COL19A1: variants seen among roughly 807,000 people sequenced by gnomAD.
COL19A1 encodes the protein collagen alpha-1(XIX) chain.
A neutral mutation model predicts 190.2 loss-of-function variants in COL19A1; 159 were observed. That is an observed-to-expected ratio of 0.84 (90% confidence interval 0.73 to 0.95). The LOEUF is 0.95. Ranked by LOEUF, COL19A1 falls within the 40% of genes least tolerant of loss-of-function variation. The pLI is 0.00. For missense variants in COL19A1, 1,418 were observed against 1,431.9 expected (o/e 0.99, Z 0.16); for synonymous variants, 509 against 458.9 (o/e 1.11, Z -1.39).
chr6:70,099,953 G>T (rs1280655882), intron 15 of COL19A1, among the ~76,000 whole-genome samples: 2 of 152,154 alleles, frequency 1.3e-5, no homozygotes, highest in East Asian at 3.8e-4. Flanking sequence ...ACCATATCCT[G>T]AATCTTGGAT....
At chr6:70,155,365 T>A (rs1183740611) in intron 31 of COL19A1, among the ~76,000 whole-genome samples, 1 of 152,178 alleles carries the variant, frequency 6.6e-6, no homozygotes, top group Non-Finnish European at 1.5e-5. Context: ...CTTGGTCATA[T>A]TCTTATTCCA....
chr6:70,102,081 C>T, intron 15 of COL19A1, 88 bp from the exon 16 acceptor site: 1 of 1,040,000 alleles, frequency 9.6e-7, no homozygotes, highest in Non-Finnish European at 1.5e-6. Flanking sequence ...TTCATTTTTA[C>T]TGTCTTCAAT....
intron 11 of COL19A1, among the ~76,000 whole-genome samples, chr6:69,988,145 CAT>C (rs1381542326): frequency 1.3e-5 from 2 of 152,120 alleles, no homozygotes; most frequent in African/African-American, 4.8e-5. Context: ...AAAAGTGCAG[CAT>C]TATTACCATT....
At chr6:69,899,836 T>C (rs1770046488) in intron 3 of COL19A1, among the ~76,000 whole-genome samples, 1 of 152,216 alleles carries the variant, frequency 6.6e-6, no homozygotes, top group South Asian at 2.1e-4. Context: ...TCAATACACA[T>C]TTCTTTAAAG....
chr6:70,182,521 G>C (rs920131660), intron 44 of COL19A1, among the ~76,000 whole-genome samples: 2 of 152,186 alleles, frequency 1.3e-5, no homozygotes, highest in African/African-American at 4.8e-5. Flanking sequence ...GAAAAGTGGA[G>C]TCACTGTGGA....
rs543209498 is a variant in COL19A1 at position 70,042,116 on chromosome 6, A to T, written c.1170+6177A>T. ...TATCTTGAAGCCAAAATTCAGAAAA[A>T]TTCAAGTGCCTAGCAGAGATGGGGT... On this transcript the variant is annotated intron_variant, in intron 14 of 50. Coordinates refer to ENST00000620364, the MANE Select transcript of COL19A1 (RefSeq NM_001858.6). Among the ~76,000 whole-genome samples the T allele has an allele frequency of 3.3e-5, 5 of 152,178 alleles. No homozygotes were observed. The South Asian group carries it at 1.0e-3, about 32-fold the overall frequency.
chr6:70,169,898 C>A (rs539093333), intron 40 of COL19A1, among the ~76,000 whole-genome samples: 1 of 152,140 alleles, frequency 6.6e-6, no homozygotes, highest in South Asian at 2.1e-4. Flanking sequence ...CTTTGAAGTT[C>A]TTGCATTAAT....
chr6:69,920,322 T>G (rs1044436033), intron 4 of COL19A1, among the ~76,000 whole-genome samples: 2 of 152,190 alleles, frequency 1.3e-5, no homozygotes, highest in African/African-American at 4.8e-5. Flanking sequence ...TCCCCGAAGT[T>G]TCATATGGTT....
At chr6:69,953,984 A>T (rs1412121719) in intron 9 of COL19A1, among the ~76,000 whole-genome samples, 1 of 152,020 alleles carries the variant, frequency 6.6e-6, no homozygotes, top group Non-Finnish European at 1.5e-5. Context: ...GTTTCCTTAA[A>T]GTGGCTCTAT....
intron 4 of COL19A1, among the ~76,000 whole-genome samples, chr6:69,926,313 A>C (rs1357093813): frequency 2.6e-5 from 4 of 152,204 alleles, no homozygotes; most frequent in Non-Finnish European, 5.9e-5. Context: ...GTTTCTGAGG[A>C]AACCTAGACA....
intron 49 of COL19A1, among the ~76,000 whole-genome samples, chr6:70,205,281 A>G (rs1247053985): frequency 6.6e-6 from 1 of 152,274 alleles, no homozygotes; most frequent in Non-Finnish European, 1.5e-5. Context: ...TGTTGTTCAG[A>G]TAATAATGTG....
At chr6:69,910,452 C>T (rs1363332709) in intron 4 of COL19A1, among the ~76,000 whole-genome samples, 1 of 152,060 alleles carries the variant, frequency 6.6e-6, no homozygotes, top group Non-Finnish European at 1.5e-5. Flanking sequence ...GTCTCCAAAT[C>T]CAGAATTAAT....
At chr6:69,880,984 T>G (rs1768510412) in intron 2 of COL19A1, among the ~76,000 whole-genome samples, 1 of 152,150 alleles carries the variant, frequency 6.6e-6, no homozygotes, top group Non-Finnish European at 1.5e-5. Flanking sequence ...ATAGGGACAG[T>G]TTTTAGGCAC....
chr6:70,073,397 C>T (rs1465678289), intron 15 of COL19A1, among the ~76,000 whole-genome samples: 1 of 152,118 alleles, frequency 6.6e-6, no homozygotes, highest in Non-Finnish European at 1.5e-5. Context: ...AATGGAGATG[C>T]TAATAACGCC....
chr6:70,100,633 C>T (rs1783572806), intron 15 of COL19A1, among the ~76,000 whole-genome samples: 2 of 149,176 alleles, frequency 1.3e-5, no homozygotes, highest in South Asian at 2.1e-4. Context: ...GCTGGGATTA[C>T]AGGCACATAC....
intron 2 of COL19A1, among the ~76,000 whole-genome samples, chr6:69,880,740 A>G (rs1168854156): frequency 6.6e-6 from 1 of 152,176 alleles, no homozygotes; most frequent in East Asian, 1.9e-4. Flanking sequence ...CTGTCATACA[A>G]TTTGGGGGGG....
At chr6:70,018,813 A>C (rs1423070744) in intron 11 of COL19A1, among the ~76,000 whole-genome samples, 3 of 152,122 alleles carry the variant, frequency 2.0e-5, no homozygotes, top group Non-Finnish European at 2.9e-5. Context: ...GTGCCTGGAA[A>C]TTATCCCTCT....
At chr6:70,030,676 C>T (rs1034026041) in intron 12 of COL19A1, among the ~76,000 whole-genome samples, 1 of 152,142 alleles carries the variant, frequency 6.6e-6, no homozygotes, top group African/African-American at 2.4e-5. Flanking sequence ...CATAGTTTTA[C>T]ACAAGCAAAA....
In COL19A1 at chr6:69,938,078, A is replaced by G; in HGVS notation, c.914A>G (p.Gln305Arg). The G allele has an allele frequency of 6.2e-7, 1 of 1,612,870 alleles. No individual in the cohort carries two copies. The highest frequency in any genetic ancestry group is 8.5e-7 in the Non-Finnish European group (1 of 1,179,200). The part of the protein sequence containing the change: ...GLPGAPGSPG[Q>R]KGHKGEPGEN... ...CCAGGAGCTCCGGGTTCACCTGGGC[A>G]GAAAGGGCATAAAGGAGAGCCGGTA... Residue 305 changes from glutamine to arginine, a missense_variant, in exon 9 of 51, where the codon CAG (glutamine) becomes CGG (arginine). Gln to Arg is a conservative substitution (Grantham distance 43). Transcript: ENST00000620364.
Sources: allele counts gnomAD v4.1 joint callset (sites outside exome capture counted in the v4.1 genomes callset), GRCh38; gene constraint gnomAD v4.1.1; transcripts MANE v1.5; gene names NCBI Gene and HGNC (gene_info 2026-07-23, HGNC 2026-07-21).